CSMD1: variants seen among roughly 807,000 people sequenced by gnomAD.
The protein encoded by CSMD1 is CUB and sushi domain-containing protein 1.
CSMD1 carries 213 observed loss-of-function variants against 417.5 expected under a neutral mutation model. The ratio of observed to expected loss-of-function variants is 0.51; its 90% CI spans 0.46 to 0.57. The LOEUF (loss-of-function observed/expected upper bound fraction) is 0.57, where lower values mean the gene tolerates loss of function less well. Ranked by LOEUF, CSMD1 falls within the 20% of genes least tolerant of loss-of-function variation. The pLI, the probability that CSMD1 is intolerant of heterozygous loss-of-function variation, is 0.00. For missense variants in CSMD1, 6,923 were observed against 4,529.7 expected (o/e 1.53, Z -15.17); for synonymous variants, 2,862 against 1,736.8 (o/e 1.65, Z -16.11).
At chr8:3,096,597 C>A (rs753305960) in intron 47 of CSMD1, among the ~76,000 whole-genome samples, 3 of 152,068 alleles carry the variant, frequency 2.0e-5, no homozygotes, top group Non-Finnish European at 4.4e-5. Context: ...CTTTTTCTTC[C>A]TAGTCTTGGG....
chr8:3,968,773 G>A (rs760924476), intron 5 of CSMD1, among the ~76,000 whole-genome samples: 2 of 152,120 alleles, frequency 1.3e-5, no homozygotes, highest in East Asian at 1.9e-4. Context: ...GAAGATGGGT[G>A]GGGATTTGTA....
At chr8:3,460,651 G>A (rs78785121) in intron 12 of CSMD1, among the ~76,000 whole-genome samples, 4,554 of 152,122 alleles carry the variant, frequency 0.03, 126 homozygotes, top group East Asian at 0.12. Flanking sequence ...TTTACTAGAC[G>A]GAACTGACCG....
chr8:4,509,092 G>C (rs1003650684), intron 2 of CSMD1, among the ~76,000 whole-genome samples: 3 of 151,394 alleles, frequency 2.0e-5, no homozygotes, highest in African/African-American at 7.3e-5. Context: ...ATAAGGCAGA[G>C]GGAAAAAAGA....
intron 8 of CSMD1, among the ~76,000 whole-genome samples, chr8:3,610,614 G>A (rs1203046313): frequency 6.6e-6 from 1 of 152,088 alleles, no homozygotes; most frequent in East Asian, 1.9e-4. Context: ...ACAATCCTAA[G>A]CTACCAGTAT....
chr8:4,924,312 A>T (rs1806703973), intron 1 of CSMD1, among the ~76,000 whole-genome samples: 1 of 152,248 alleles, frequency 6.6e-6, no homozygotes, highest in South Asian at 2.1e-4. Context: ...TATCCTAATT[A>T]TGTTCATGTA....
intron 1 of CSMD1, among the ~76,000 whole-genome samples, chr8:4,665,713 G>C (rs148909878): frequency 1.1e-3 from 175 of 152,280 alleles, no homozygotes; most frequent in African/African-American, 4.0e-3. Context: ...TCTTTGTTCT[G>C]AGTAGTGCTC....
rs565091863 is a variant in CSMD1, at chr8:4,763,409, G to C, written c.86-125851C>G. Among the ~76,000 whole-genome samples the C allele has an allele frequency of 2.4e-3, 360 of 152,246 alleles. 1 individual carries two copies. The highest frequency in any genetic ancestry group is 6.8e-3 in the Middle Eastern group (2 of 294). On this transcript the variant is annotated intron_variant, in intron 1 of 69. Transcript: ENST00000635120. Reference sequence around the variant, plus strand: ...TTAGGCAGTTAATTCAGTCTGTGCTGAGAGTAAAATATAGGTCACTTACAA... The same window carrying C: ...TTAGGCAGTTAATTCAGTCTGTGCTCAGAGTAAAATATAGGTCACTTACAA...
intron 2 of CSMD1, among the ~76,000 whole-genome samples, chr8:4,422,960 AT>A (rs1797333598): frequency 6.6e-6 from 1 of 151,774 alleles, no homozygotes; most frequent in Non-Finnish European, 1.5e-5. Flanking sequence ...AGAAAAAAAC[AT>A]TTGACAATAA....
chr8:3,982,198 A>ATATTAAT (rs67611582), intron 5 of CSMD1, among the ~76,000 whole-genome samples: 1 of 81,020 alleles, frequency 1.2e-5, no homozygotes, highest in East Asian at 4.6e-4. Context: ...AATATTAATA[A>ATATTAAT]AAAAAATAAT....
chr8:3,545,793 C>T (rs1036464148), intron 10 of CSMD1, among the ~76,000 whole-genome samples: 2 of 152,208 alleles, frequency 1.3e-5, no homozygotes, highest in Non-Finnish European at 2.9e-5. Context: ...AAAATAGTCA[C>T]ATTCTGTGAA....
chr8:4,992,991 G>C (rs532698067), intron 1 of CSMD1, among the ~76,000 whole-genome samples: 14 of 152,328 alleles, frequency 9.2e-5, no homozygotes, highest in Admixed American at 5.2e-4. Flanking sequence ...GTGGAGGCAA[G>C]TGCAGGGAGG....
intron 49 of CSMD1, among the ~76,000 whole-genome samples, chr8:3,062,047 T>C (rs956335404): frequency 1.3e-5 from 2 of 152,194 alleles, no homozygotes; most frequent in African/African-American, 4.8e-5. Flanking sequence ...AATGTCCACC[T>C]ATCAACATTC....
chr8:3,843,475 C>G (rs987986028), intron 5 of CSMD1, among the ~76,000 whole-genome samples: 56 of 152,094 alleles, frequency 3.7e-4, no homozygotes, highest in African/African-American at 1.3e-3. Flanking sequence ...ACAAATTACA[C>G]TCGGACTTTG....
At chr8:4,634,407 G>A (rs1382150715) in intron 2 of CSMD1, among the ~76,000 whole-genome samples, 3 of 152,140 alleles carry the variant, frequency 2.0e-5, no homozygotes. Flanking sequence ...GTGGTTATGT[G>A]AAAGAAATTT....
At chr8:4,369,032 G>A (rs1390956735) in intron 3 of CSMD1, among the ~76,000 whole-genome samples, 3 of 151,992 alleles carry the variant, frequency 2.0e-5, no homozygotes, top group African/African-American at 7.2e-5. Context: ...CTCTAGGTTT[G>A]ATGTTAGGTT....
intron 1 of CSMD1, among the ~76,000 whole-genome samples, chr8:4,905,980 C>G (rs1007414527): frequency 6.6e-6 from 1 of 152,082 alleles, no homozygotes; most frequent in Non-Finnish European, 1.5e-5. Flanking sequence ...CAAATACTTT[C>G]GGCAACACCA....
chr8:4,713,347 T>G (rs1040183892), intron 1 of CSMD1, among the ~76,000 whole-genome samples: 6 of 151,770 alleles, frequency 4.0e-5, no homozygotes, highest in African/African-American at 1.5e-4. Context: ...TGCCATAGCT[T>G]TTATCTTTTT....
At chr8:4,203,629 G>A (rs979697629) in intron 3 of CSMD1, among the ~76,000 whole-genome samples, 1 of 152,038 alleles carries the variant, frequency 6.6e-6, no homozygotes, top group African/African-American at 2.4e-5. Context: ...TGTATGGCTG[G>A]GGGTGGACAC....
chr8:3,808,883 A>G (rs76980526), intron 5 of CSMD1, among the ~76,000 whole-genome samples: 3,983 of 152,292 alleles, frequency 0.026, 183 homozygotes, highest in African/African-American at 0.089. Context: ...TTCTGAAGTC[A>G]TATCAGGGAT....
Sources: allele counts gnomAD v4.1 joint callset (sites outside exome capture counted in the v4.1 genomes callset), GRCh38; gene constraint gnomAD v4.1.1; transcripts MANE v1.5; gene names NCBI Gene and HGNC (gene_info 2026-07-23, HGNC 2026-07-21).